Variants in TNIK observed in about 807,000 individuals in gnomAD.
TNIK encodes the protein TRAF2 and NCK-interacting protein kinase.
Under a neutral mutation model 191.3 loss-of-function variants are expected in TNIK, and 49 were observed. The ratio of observed to expected loss-of-function variants is 0.26; its 90% CI spans 0.20 to 0.32. The LOEUF is 0.32. Ranked by LOEUF, TNIK falls within the 10% of genes least tolerant of loss-of-function variation. TNIK has a pLI of 1.00. For missense variants in TNIK, 1,155 were observed against 1,702.3 expected, an observed-to-expected ratio of 0.68 and a Z score of 5.66; for synonymous variants, 594 against 600.9, an observed-to-expected ratio of 0.99 and a Z score of 0.17.
intron 28 of TNIK, among the ~76,000 whole-genome samples, chr3:171,078,316 TG>T (rs1219347243): frequency 1.3e-5 from 2 of 152,184 alleles, no homozygotes; most frequent in Admixed American, 1.3e-4. Context: ...CCACTTGGAC[TG>T]ATCTTTTTAT....
At chr3:171,068,754 G>A (rs1393189422) in intron 30 of TNIK, 94 bp downstream of exon 30, 1 of 1,304,684 alleles carries the variant, frequency 7.7e-7, no homozygotes, top group Non-Finnish European at 1.0e-6. Flanking sequence ...AGTAAAGTGT[G>A]CATGACTTCT....
chr3:171,261,264 C>A (rs971628711), intron 2 of TNIK, among the ~76,000 whole-genome samples: 2 of 152,184 alleles, frequency 1.3e-5, no homozygotes, highest in South Asian at 2.1e-4. Flanking sequence ...ATGCTGATTG[C>A]CTTCCCTTTT....
At chr3:171,387,778 G>A (rs1159662554) in intron 1 of TNIK, among the ~76,000 whole-genome samples, 1 of 152,184 alleles carries the variant, frequency 6.6e-6, no homozygotes, top group Non-Finnish European at 1.5e-5. Flanking sequence ...ACCACTAGGA[G>A]TGAGGCATAT....
chr3:171,268,999 A>T (rs1748752667), intron 2 of TNIK, among the ~76,000 whole-genome samples: 1 of 152,202 alleles, frequency 6.6e-6, no homozygotes, highest in African/African-American at 2.4e-5. Flanking sequence ...TTGCAGAGTA[A>T]TTCAATTCTC....
chr3:171,209,064 G>GGTGTGTGGGTGTGT (rs1553856588), intron 4 of TNIK, among the ~76,000 whole-genome samples: 4 of 142,016 alleles, frequency 2.8e-5, no homozygotes, highest in Admixed American at 1.4e-4. Context: ...CTTTGGAAGG[G>GGTGTGTGGGTGTGT]GTGTGTGTGT....
rs1451726471 is a variant in TNIK, at chr3:171,359,486, G to A, written c.123+10134C>T. On this transcript the variant is annotated intron_variant, in intron 2 of 32. Transcript: ENST00000436636. ...ACTTGTCTGCCTTTGTTGTAGAGAG[G>A]AACAAAATGGACACAGTAGTTCTGT... Among the ~76,000 whole-genome samples the A allele has an allele frequency of 2.0e-5, 3 of 152,090 alleles. No homozygotes were observed. In the East Asian group the frequency reaches 5.8e-4, roughly 29 times the overall value.
At chr3:171,289,717 C>T (rs1349095514) in intron 2 of TNIK, among the ~76,000 whole-genome samples, 1 of 152,030 alleles carries the variant, frequency 6.6e-6, no homozygotes, top group Non-Finnish European at 1.5e-5. Context: ...GCCTGGCCAA[C>T]ATGGCAAAAC....
At chr3:171,288,483 G>A (rs1560378125) in intron 2 of TNIK, among the ~76,000 whole-genome samples, 1 of 152,082 alleles carries the variant, frequency 6.6e-6, no homozygotes, top group Non-Finnish European at 1.5e-5. Flanking sequence ...GAACATTCAG[G>A]AGCCACGGAC....
At chr3:171,299,735 A>G (rs894328718) in intron 2 of TNIK, among the ~76,000 whole-genome samples, 1 of 152,192 alleles carries the variant, frequency 6.6e-6, no homozygotes, top group African/African-American at 2.4e-5. Flanking sequence ...CAAGTTTACA[A>G]ACTGAGTTGT....
At chr3:171,290,822 T>C (rs1483133724) in intron 2 of TNIK, among the ~76,000 whole-genome samples, 4 of 152,200 alleles carry the variant, frequency 2.6e-5, no homozygotes, top group African/African-American at 7.2e-5. Context: ...ACAGACTTTA[T>C]GGAACGAGTC....
chr3:171,227,404 C>T (rs929938214), intron 3 of TNIK, among the ~76,000 whole-genome samples: 1 of 152,086 alleles, frequency 6.6e-6, no homozygotes, highest in African/African-American at 2.4e-5. Context: ...TAGAGCCATC[C>T]AAGCTCCTGT....
At chr3:171,250,705 T>C (rs1197382121) in intron 2 of TNIK, among the ~76,000 whole-genome samples, 2 of 152,204 alleles carry the variant, frequency 1.3e-5, no homozygotes, top group Non-Finnish European at 2.9e-5. Context: ...TCTTTAGATC[T>C]CAGTTTCCAC....
intron 2 of TNIK, among the ~76,000 whole-genome samples, chr3:171,237,197 C>A (rs1161030661): frequency 2.0e-5 from 3 of 152,130 alleles, no homozygotes; most frequent in Non-Finnish European, 4.4e-5. Flanking sequence ...ACCCATTTGG[C>A]TCTTTATTTG....
intron 7 of TNIK, among the ~76,000 whole-genome samples, chr3:171,178,459 T>C (rs1389470937): frequency 6.6e-6 from 1 of 152,182 alleles, no homozygotes; most frequent in African/African-American, 2.4e-5. Context: ...AGTATACCTT[T>C]ATATTATTTC....
intron 2 of TNIK, among the ~76,000 whole-genome samples, chr3:171,337,347 C>G (rs943171304): frequency 1.3e-5 from 2 of 152,152 alleles, no homozygotes; most frequent in African/African-American, 2.4e-5. Flanking sequence ...GCAAGAGGAA[C>G]GGAAAGCAGG....
intron 1 of TNIK, 95 bp from the exon 2 acceptor site, chr3:171,369,780 TAAC>T (rs1402080313): frequency 8.8e-6 from 9 of 1,026,800 alleles, no homozygotes; most frequent in African/African-American, 1.5e-5. Context: ...AGCAAATAAA[TAAC>T]AACTTTAGCT....
intron 5 of TNIK, 62 bp downstream of exon 5, chr3:171,194,462 CA>C: frequency 7.1e-7 from 1 of 1,418,430 alleles, no homozygotes; most frequent in African/African-American, 1.4e-5. Context: ...TTCAATCCCT[CA>C]TAAGATATCA....
At chr3:171,400,513 G>A (rs968286788) in intron 1 of TNIK, among the ~76,000 whole-genome samples, 8 of 151,506 alleles carry the variant, frequency 5.3e-5, no homozygotes, top group African/African-American at 1.9e-4. Flanking sequence ...AGGCTGCAGT[G>A]AGCCATATTG....
At chr3:171,238,261 T>G (rs1744542354) in intron 2 of TNIK, among the ~76,000 whole-genome samples, 1 of 152,028 alleles carries the variant, frequency 6.6e-6, no homozygotes, top group Non-Finnish European at 1.5e-5. Context: ...AAATTGAATT[T>G]TATGATTGTG....
Sources: allele counts gnomAD v4.1 joint callset (sites outside exome capture counted in the v4.1 genomes callset), GRCh38; gene constraint gnomAD v4.1.1; transcripts MANE v1.5; gene names NCBI Gene and HGNC (gene_info 2026-07-23, HGNC 2026-07-21).